The following FGF17 variants were observed in gnomAD, a reference collection of about 807,000 sequenced individuals.
The protein encoded by FGF17 is fibroblast growth factor 17.
A neutral mutation model predicts 23.5 loss-of-function variants in FGF17; 5 were observed. The ratio of observed to expected loss-of-function variants is 0.21; its 90% CI spans 0.11 to 0.45. The LOEUF (loss-of-function observed/expected upper bound fraction) is 0.45. Among genes scored for constraint, FGF17 ranks in the 20% least tolerant of loss-of-function variants. The pLI is 0.99. For synonymous variants in FGF17, 136 were observed against 123.0 expected (o/e 1.11, Z -0.70); for missense variants, 221 against 306.9 (o/e 0.72, Z 2.09).
In FGF17 at chr8:22,046,508, C is replaced by T. The variant is rs1384485001; in HGVS notation, c.251-19C>T. 15 of 1,594,444 alleles carry T rather than the reference C, an allele frequency of 9.4e-6. No homozygotes were observed. The highest frequency in any genetic ancestry group is 1.3e-5 in the Non-Finnish European group (15 of 1,163,898). On this transcript the variant is annotated intron_variant, in intron 3 of 4. Coordinates refer to ENST00000359441, the MANE Select transcript of FGF17 (RefSeq NM_003867.4). ...GCAGCCCCGATGGACGGAGGTCTTT[C>T]TCCCCTCCCCCACCACAGCCAAGCT...
intron 2 of FGF17, chr8:22,045,134 A>G (rs1800836580): frequency 1.0e-6 from 1 of 985,490 alleles, no homozygotes; most frequent in East Asian, 1.1e-4. Context: ...AGCCTTACAG[A>G]TGGGTAACGA....
intron 3 of FGF17, 79 bp downstream of exon 3, chr8:22,046,370 C>A: frequency 6.5e-7 from 1 of 1,536,672 alleles, no homozygotes; most frequent in Non-Finnish European, 8.9e-7. Context: ...CCTGGTCCAT[C>A]CCCAGATCCT....
At chr8:22,047,201 A>G (rs1372702594) in intron 4 of FGF17, among the ~76,000 whole-genome samples, 1 of 152,166 alleles carries the variant, frequency 6.6e-6, no homozygotes, top group Non-Finnish European at 1.5e-5. Flanking sequence ...GGCATCAGTA[A>G]GAGCTTAGCA....
Position 22,047,874 on chromosome 8 carries a change from T to C in FGF17, c.358-82T>C, listed in dbSNP as rs934646350. The C allele has an allele frequency of 2.1e-5, 29 of 1,403,390 alleles. 1 individual carries two copies. Among genetic ancestry groups the C allele is most frequent in the Middle Eastern group, 1.8e-4 (1 of 5,460 alleles). The allele number at this position is 1,403,390 out of a possible 1,614,324, so 86.9% of individuals were successfully genotyped here. A position where few individuals can be genotyped will look rare whatever the true frequency, so the allele number is the denominator to read the frequency against. Reference sequence around the variant, plus strand: ...CGTTGTTCCCGTTGTCCCTCCTCAGTCGTCCAAAATAGGCCGTAAGGGCGA... The same window carrying C: ...CGTTGTTCCCGTTGTCCCTCCTCAGCCGTCCAAAATAGGCCGTAAGGGCGA... On this transcript the variant is annotated intron_variant, in intron 4 of 4. Coordinates refer to ENST00000359441, the MANE Select transcript of FGF17 (RefSeq NM_003867.4).
At chr8:22,045,813 G>T in intron 2 of FGF17, 1 of 1,319,452 alleles carries the variant, frequency 7.6e-7, no homozygotes, top group Non-Finnish European at 9.7e-7. Flanking sequence ...ACGAGGACGG[G>T]ATAGAACCCT....
intron 1 of FGF17, 57 bp from the exon 2 acceptor site, chr8:22,043,088 G>A (rs1402082727): frequency 1.9e-6 from 3 of 1,606,482 alleles, no homozygotes; most frequent in Non-Finnish European, 2.6e-6. Context: ...GGGCCTGGGT[G>A]CACCCTAGGC....
chr8:22,043,242 T>G, intron 2 of FGF17, 61 bp downstream of exon 2: 1 of 1,553,680 alleles, frequency 6.4e-7, no homozygotes, highest in East Asian at 2.2e-5. Context: ...CCAGGGCGGG[T>G]GCAAGGGACC....
At chr8:22,042,516 C>T (rs928798110), upstream of FGF17, 3 of 280,966 alleles carry the variant, frequency 1.1e-5, no homozygotes, top group South Asian at 5.9e-5. Context: ...TGCCACACAT[C>T]GAGTTTGTCT....
intron 2 of FGF17, chr8:22,045,321 C>T (rs369617295): frequency 1.1e-5 from 11 of 986,416 alleles, no homozygotes; most frequent in African/African-American, 3.5e-5. Context: ...ATTGGGCCAC[C>T]GCTGATAGTG....
rs138406778 is a variant in FGF17 at position 22,042,937 on chromosome 8, C to G, written c.9C>G (p.Ala3=). 3 of 1,613,222 alleles carry G rather than the reference C, an allele frequency of 1.9e-6. No individual in the cohort carries two copies. Among genetic ancestry groups the G allele is most frequent in the Non-Finnish European group, 2.5e-6 (3 of 1,179,790 alleles). Residue 3 remains alanine, a synonymous_variant, in exon 1 of 5, where the codon GCC becomes GCG. Transcript: ENST00000359441. The part of the protein sequence containing the change: MG[A]ARLLPNLTLC... Reference sequence around the variant, plus strand: ...GAGGAACCTCTCCAGCGATGGGAGCCGCCCGCCTGCTGCCCAACCTCACTC... The same window carrying G: ...GAGGAACCTCTCCAGCGATGGGAGCGGCCCGCCTGCTGCCCAACCTCACTC...
chr8:22,046,950 A>ATTTTTTTTTTTTTTTT (rs3038873), intron 4 of FGF17, among the ~76,000 whole-genome samples: 1 of 120,574 alleles, frequency 8.3e-6, no homozygotes, highest in Non-Finnish European at 1.6e-5. Flanking sequence ...TGCCCAGCTA[A>ATTTTTTTTTTTTTTTT]TTTTTTTTTT....
chr8:22,045,775 T>A lies in FGF17; in HGVS notation c.73-339T>A. On this transcript the variant is annotated intron_variant, in intron 2 of 4. Coordinates refer to ENST00000359441, the MANE Select transcript of FGF17 (RefSeq NM_003867.4). Reference sequence around the variant, plus strand: ...CAGGGGTTCTGTCCCTAATGAGCTGTGTGCCCCGTGCACCTCCTTCATAGA... The same window carrying A: ...CAGGGGTTCTGTCCCTAATGAGCTGAGTGCCCCGTGCACCTCCTTCATAGA... The A allele has an allele frequency of 2.4e-6, 3 of 1,231,890 alleles. No homozygotes were observed. The South Asian group carries it at 5.0e-5, about 20-fold the overall frequency. The allele number at this position is 1,231,890 out of a possible 1,614,324, so 76.3% of individuals were successfully genotyped here. A position where few individuals can be genotyped will look rare whatever the true frequency, so the allele number is the denominator to read the frequency against.
upstream of FGF17, among the ~76,000 whole-genome samples, chr8:22,040,219 G>A (rs367865053): frequency 6.6e-6 from 1 of 152,232 alleles, no homozygotes; most frequent in South Asian, 2.1e-4. Flanking sequence ...CTCAGCTGAC[G>A]TGGATGGCGG....
At chr8:22,040,606 G>T (rs1251867923), upstream of FGF17, among the ~76,000 whole-genome samples, 1 of 152,242 alleles carries the variant, frequency 6.6e-6, no homozygotes, top group East Asian at 1.9e-4. Context: ...CCTGAGGGCT[G>T]GGCCAGTGAT....
Position 22,046,637 on chromosome 8 carries a change from A to C in FGF17, c.357+4A>C. 6.2e-7 allele frequency: 1 copy of C among 1,600,006 alleles called. No individual in the cohort carries two copies. The highest frequency in any genetic ancestry group is 8.6e-7 in the Non-Finnish European group (1 of 1,167,308). ...GAGGGGCAAGCTCATCGGGAAGGTG[A>C]GGCTGGGAGACTGGGAAGTAACAGA... On this transcript the variant is annotated splice_donor_region_variant and intron_variant, in intron 4 of 4. Coordinates refer to ENST00000359441, the MANE Select transcript of FGF17 (RefSeq NM_003867.4).
Position 22,048,575 on chromosome 8 carries a change from G to T in FGF17, c.*326G>T. ...GCGACTGAAGGCCTTGCAGACAACC[G>T]TCTGGAGGTGGCTGTCCTCAAAATC... On this transcript the variant is annotated 3_prime_UTR_variant, in exon 5 of 5. Transcript: ENST00000359441. The surrounding 1 kb of genome is among the most constrained non-coding windows in gnomAD (Gnocchi z 6.9). 2 of 361,020 alleles carry T rather than the reference G, an allele frequency of 5.5e-6. No homozygotes were observed. Among genetic ancestry groups the T allele is most frequent in the Non-Finnish European group, 1.0e-5 (2 of 199,292 alleles). 22.4% of individuals were successfully genotyped at this position (361,020 alleles called of 1,614,324 possible).
intron 2 of FGF17, among the ~76,000 whole-genome samples, chr8:22,043,927 TATCC>T (rs1289736235): frequency 6.6e-6 from 1 of 152,158 alleles, no homozygotes; most frequent in Non-Finnish European, 1.5e-5. Flanking sequence ...CTTCTCTTCA[TATCC>T]AGTGGGGACT....
intron 2 of FGF17, among the ~76,000 whole-genome samples, chr8:22,043,609 G>T (rs1800784314): frequency 6.6e-6 from 1 of 152,132 alleles, no homozygotes; most frequent in Non-Finnish European, 1.5e-5. Flanking sequence ...GATGCCTGGG[G>T]TGGGGGTCTC....
At position 22,048,301 on chromosome 8, in the gene FGF17, T is replaced by A. The variant is rs771587578; in HGVS notation, c.*52T>A. ...TGGGCCGCCTCCCCACCCCTTTCCC[T>A]TCTTAATCCAAGGACTGGGCTGGGG... On this transcript the variant is annotated 3_prime_UTR_variant, in exon 5 of 5. Coordinates refer to ENST00000359441, the MANE Select transcript of FGF17 (RefSeq NM_003867.4). The surrounding 1 kb of genome is among the most constrained non-coding windows in gnomAD (Gnocchi z 6.9). 7.0e-7 allele frequency: 1 copy of A among 1,435,240 alleles called. No individual in the cohort carries two copies. Among genetic ancestry groups the A allele is most frequent in the African/African-American group, 1.4e-5 (1 of 70,600 alleles). 88.9% of individuals were successfully genotyped at this position (1,435,240 alleles called of 1,614,324 possible).
Sources: allele counts gnomAD v4.1 joint callset (sites outside exome capture counted in the v4.1 genomes callset), GRCh38; gene constraint gnomAD v4.1.1; non-coding constraint Gnocchi (gnomAD v3.1); transcripts MANE v1.5; gene names NCBI Gene and HGNC (gene_info 2026-07-23, HGNC 2026-07-21).